FBXL2: variants seen among roughly 807,000 people sequenced by gnomAD.
FBXL2 encodes F-box and leucine rich repeat protein 2.
In FBXL2, 38 loss-of-function variants were observed where a neutral mutation model predicts 69.2. The observed-to-expected ratio is 0.55, with a 90% CI of 0.42 to 0.72. The LOEUF (loss-of-function observed/expected upper bound fraction) is 0.72, where lower values mean the gene tolerates loss of function less well. FBXL2 is among the 30% of genes least tolerant of loss of function. FBXL2 has a pLI of 0.00. For missense variants in FBXL2, 354 were observed against 520.3 expected (o/e 0.68, Z 3.11); for synonymous variants, 192 against 201.3 (o/e 0.95, Z 0.39).
downstream of FBXL2, among the ~76,000 whole-genome samples, chr3:33,407,883 T>A (rs1038871328): frequency 6.6e-6 from 1 of 152,264 alleles, no homozygotes; most frequent in Non-Finnish European, 1.5e-5. Context: ...ACTGAAGGTA[T>A]GTAGCTGATC....
chr3:33,325,136 T>A (rs544118962), intron 2 of FBXL2, among the ~76,000 whole-genome samples: 2 of 152,284 alleles, frequency 1.3e-5, no homozygotes, highest in Non-Finnish European at 2.9e-5. Flanking sequence ...ATGCTTGTGA[T>A]TTTTGCACAT....
chr3:33,388,501 A>G (rs1213242512), downstream of FBXL2: 1 of 152,660 alleles, frequency 6.6e-6, no homozygotes, highest in Non-Finnish European at 1.5e-5. Flanking sequence ...ATAAGCATCT[A>G]AGTATTTTTA....
rs1367755684 is a variant in FBXL2, at chr3:33,365,719, G to A, written c.290+1000G>A. 5.1e-5 allele frequency among the ~76,000 whole-genome samples: 7 copies of A among 138,438 alleles called. No individual in the cohort carries two copies. The East Asian group carries it at 1.2e-3, about 23-fold the overall frequency. 90.8% of individuals were successfully genotyped at this position (138,438 alleles called of 152,430 possible). A position where few individuals can be genotyped will look rare whatever the true frequency, so the allele number is the denominator to read the frequency against. On this transcript the variant is annotated intron_variant, in intron 5 of 14. Transcript: ENST00000484457. ...TGTGGGCAGCAAAATGAGACTCTTC[G>A]ACCAAACAAACAAACAAACAAACAA...
the FBXL2 span, among the ~76,000 whole-genome samples, chr3:33,421,949 C>G: frequency 1.3e-5 from 2 of 152,284 alleles, no homozygotes; most frequent in East Asian, 3.9e-4. Flanking sequence ...GAGGCTGAGG[C>G]AGGAGAATCC....
intron 12 of FBXL2, chr3:33,396,269 G>T: frequency 6.3e-7 from 1 of 1,577,456 alleles, no homozygotes; most frequent in Non-Finnish European, 8.7e-7. Flanking sequence ...GGTTAAACGG[G>T]GTCTAACCGA....
At chr3:33,317,582 A>G (rs2125784242) in intron 2 of FBXL2, 3 of 453,238 alleles carry the variant, frequency 6.6e-6, no homozygotes, top group East Asian at 7.0e-5. Context: ...CTAAACAGAT[A>G]TTATGAAGCC....
intron 12 of FBXL2, chr3:33,397,280 C>T (rs1169970705): frequency 3.7e-6 from 2 of 542,616 alleles, no homozygotes; most frequent in Non-Finnish European, 6.2e-6. Flanking sequence ...TATAAGAAGA[C>T]AAACAGACAC....
At chr3:33,402,757 G>C (rs1268533942) in intron 12 of FBXL2, 1 of 1,366,720 alleles carries the variant, frequency 7.3e-7, no homozygotes, top group Non-Finnish European at 9.8e-7. Context: ...GAAGGCACAT[G>C]AGCATTAGTT....
chr3:33,336,930 C>T (rs1040667059), intron 2 of FBXL2, among the ~76,000 whole-genome samples: 1 of 151,604 alleles, frequency 6.6e-6, no homozygotes, highest in Non-Finnish European at 1.5e-5. Flanking sequence ...CTTGGCCTGG[C>T]GCAGTGGCTC....
downstream of FBXL2, chr3:33,392,516 A>ATCTC: frequency 6.5e-7 from 1 of 1,539,250 alleles, no homozygotes. Context: ...GGCACACACC[A>ATCTC]TCTCTCATGA....
chr3:33,351,394 A>C (rs1216588739), intron 2 of FBXL2, among the ~76,000 whole-genome samples: 3 of 152,206 alleles, frequency 2.0e-5, no homozygotes, highest in African/African-American at 7.2e-5. Flanking sequence ...TGGAATTTGA[A>C]ATTTAAAATA....
intron 2 of FBXL2, among the ~76,000 whole-genome samples, chr3:33,355,517 C>G (rs1277879839): frequency 6.6e-6 from 1 of 152,054 alleles, no homozygotes; most frequent in Non-Finnish European, 1.5e-5. Context: ...TTCCGAGGAT[C>G]AAGAATAACT....
intron 5 of FBXL2, among the ~76,000 whole-genome samples, chr3:33,367,603 C>T (rs1440318164): frequency 4.0e-5 from 6 of 149,988 alleles, no homozygotes; most frequent in African/African-American, 7.4e-5. Flanking sequence ...TTTTGGTCCT[C>T]GTCAGTCTGG....
chr3:33,322,556 A>G (rs1409852765), intron 2 of FBXL2, among the ~76,000 whole-genome samples: 2 of 152,212 alleles, frequency 1.3e-5, no homozygotes, highest in Non-Finnish European at 2.9e-5. Context: ...AAAGTTGTGG[A>G]AGACATATAC....
At chr3:33,372,948 T>C in intron 5 of FBXL2, 144 bp from the exon 6 acceptor site, 2 of 725,954 alleles carry the variant, frequency 2.8e-6, no homozygotes, top group East Asian at 5.1e-5. Flanking sequence ...CATCAGAATC[T>C]GCACTGTGAC....
downstream of FBXL2, chr3:33,388,675 A>AAAAC (rs1458320232): frequency 6.6e-6 from 1 of 152,240 alleles, no homozygotes; most frequent in Admixed American, 6.5e-5. Context: ...ACTGGTACAG[A>AAAAC]AAACATGTGG....
chr3:33,395,870 A>C (rs2043972068), intron 12 of FBXL2, among the ~76,000 whole-genome samples: 1 of 151,048 alleles, frequency 6.6e-6, no homozygotes, highest in Admixed American at 6.6e-5. Context: ...AAAAGCCAGA[A>C]CTCAATGCAT....
intron 2 of FBXL2, among the ~76,000 whole-genome samples, chr3:33,343,381 C>G (rs2040211424): frequency 7.7e-6 from 1 of 130,650 alleles, no homozygotes; most frequent in African/African-American, 2.5e-5. Flanking sequence ...CTGTCCCCAA[C>G]TGAAACTTCA....
chr3:33,358,761 G>T (rs184409371), intron 2 of FBXL2, among the ~76,000 whole-genome samples: 8 of 152,276 alleles, frequency 5.3e-5, no homozygotes, highest in Admixed American at 5.2e-4. Context: ...AATTTGTATT[G>T]TGTGTCCAAA....
Sources: gnomAD v4.1 joint callset for allele counts (sites outside exome capture counted in the v4.1 genomes callset) on GRCh38, gnomAD v4.1.1 for gene constraint, MANE v1.5 for transcripts, NCBI Gene and HGNC (gene_info 2026-07-23, HGNC 2026-07-21) for gene names.